Variants in LRMDA observed in about 807,000 individuals in gnomAD.
LRMDA encodes leucine rich melanocyte differentiation associated.
In LRMDA, 18 loss-of-function variants were observed where a neutral mutation model predicts 29.8. The ratio of observed to expected loss-of-function variants is 0.60; its 90% confidence interval spans 0.42 to 0.90. The LOEUF is 0.90. Among genes scored for constraint, LRMDA ranks in the 40% least tolerant of loss-of-function variants. The pLI, the probability that LRMDA is intolerant of heterozygous loss-of-function variation, is 0.00. For missense variants in LRMDA, 273 were observed against 273.9 expected (o/e 1.00, Z 0.02); for synonymous variants, 125 against 109.4 (o/e 1.14, Z -0.89).
intron 5 of LRMDA, among the ~76,000 whole-genome samples, chr10:76,316,644 A>G: frequency 6.6e-6 from 1 of 152,216 alleles, no homozygotes; most frequent in East Asian, 1.9e-4. Context: ...GGGTTAAATG[A>G]AACAATGTTT....
intron 5 of LRMDA, among the ~76,000 whole-genome samples, chr10:76,063,982 AG>A (rs1458920757): frequency 6.6e-6 from 1 of 152,160 alleles, no homozygotes. Context: ...CTGTATCTCT[AG>A]TACCTAGTCT....
intron 2 of LRMDA, among the ~76,000 whole-genome samples, chr10:75,741,876 G>A (rs1050123199): frequency 9.9e-5 from 15 of 152,078 alleles, no homozygotes; most frequent in Admixed American, 5.9e-4. Flanking sequence ...GGCCTTTGGG[G>A]GGTGATTAGG....
chr10:75,978,697 A>G (rs980721871), intron 2 of LRMDA, among the ~76,000 whole-genome samples: 2 of 152,202 alleles, frequency 1.3e-5, no homozygotes. Flanking sequence ...AAGCAGTATT[A>G]AATTTTGTTT....
At chr10:76,459,223 A>T (rs1842488250) in intron 6 of LRMDA, among the ~76,000 whole-genome samples, 1 of 152,206 alleles carries the variant, frequency 6.6e-6, no homozygotes, top group South Asian at 2.1e-4. Context: ...TTCCAAAGGA[A>T]CTGTAATGTT....
At chr10:75,563,066 A>G (rs1332182572) in intron 2 of LRMDA, among the ~76,000 whole-genome samples, 2 of 151,882 alleles carry the variant, frequency 1.3e-5, no homozygotes, top group East Asian at 3.9e-4. Flanking sequence ...CTTGAATCTG[A>G]ATGTTGGCCT....
At chr10:76,293,043 G>A (rs1015727570) in intron 5 of LRMDA, among the ~76,000 whole-genome samples, 2 of 152,026 alleles carry the variant, frequency 1.3e-5, no homozygotes, top group Non-Finnish European at 2.9e-5. Context: ...ATCTCGGCTC[G>A]GCTCACTGCA....
intron 5 of LRMDA, among the ~76,000 whole-genome samples, chr10:76,281,190 A>G (rs544369109): frequency 2.6e-5 from 4 of 152,294 alleles, no homozygotes; most frequent in African/African-American, 9.6e-5. Context: ...TAGGCTGAGG[A>G]AAAGCCAAGG....
chr10:75,977,699 C>T (rs988139157), intron 2 of LRMDA, among the ~76,000 whole-genome samples: 1 of 152,178 alleles, frequency 6.6e-6, no homozygotes, highest in Non-Finnish European at 1.5e-5. Flanking sequence ...GAGCTGCCCA[C>T]GGCCTATGAT....
intron 6 of LRMDA, among the ~76,000 whole-genome samples, chr10:76,325,359 G>A (rs1309126236): frequency 1.3e-5 from 2 of 152,160 alleles, no homozygotes; most frequent in African/African-American, 2.4e-5. Flanking sequence ...CTGTGGCTTG[G>A]ACCTGTGTTG....
At chr10:75,524,446 A>ATTTAGGGTCTTGGTGATGT (rs1845393137) in intron 2 of LRMDA, among the ~76,000 whole-genome samples, 1 of 152,110 alleles carries the variant, frequency 6.6e-6, no homozygotes, top group African/African-American at 2.4e-5. Context: ...CTTGGTGATG[A>ATTTAGGGTCTTGGTGATGT]TTTAGGGTCT....
chr10:75,570,808 G>A (rs564828924), intron 2 of LRMDA, among the ~76,000 whole-genome samples: 2 of 152,220 alleles, frequency 1.3e-5, no homozygotes, highest in African/African-American at 4.8e-5. Flanking sequence ...GTAAAATGTG[G>A]GAATCATATT....
At chr10:75,695,235 C>A (rs1420610573) in intron 2 of LRMDA, among the ~76,000 whole-genome samples, 6 of 151,990 alleles carry the variant, frequency 3.9e-5, no homozygotes, top group Non-Finnish European at 8.8e-5. Context: ...AAAAAAATAA[C>A]ATTTTTTAAA....
At chr10:76,360,720 A>T (rs1053314116) in intron 6 of LRMDA, among the ~76,000 whole-genome samples, 1 of 152,176 alleles carries the variant, frequency 6.6e-6, no homozygotes, top group Non-Finnish European at 1.5e-5. Flanking sequence ...CTCACAGGAC[A>T]TATTTGGTGG....
intron 2 of LRMDA, among the ~76,000 whole-genome samples, chr10:75,865,126 T>C (rs1305496085): frequency 6.6e-6 from 1 of 152,228 alleles, no homozygotes; most frequent in African/African-American, 2.4e-5. Flanking sequence ...AAGTTTTAAA[T>C]GAATTAATCA....
chr10:75,448,876 G>A (rs1035585593), intron 2 of LRMDA, among the ~76,000 whole-genome samples: 6 of 152,316 alleles, frequency 3.9e-5, no homozygotes, highest in Non-Finnish European at 5.9e-5. Context: ...TTTAGGCTGG[G>A]TACAGTGGCT....
At chr10:75,746,631 A>T (rs181979715) in intron 2 of LRMDA, among the ~76,000 whole-genome samples, 1 of 152,288 alleles carries the variant, frequency 6.6e-6, no homozygotes, top group East Asian at 1.9e-4. Flanking sequence ...AAGAATTACC[A>T]CTGTGAATAC....
chr10:75,873,236 A>C (rs955308428), intron 2 of LRMDA, among the ~76,000 whole-genome samples: 2 of 152,244 alleles, frequency 1.3e-5, no homozygotes, highest in Non-Finnish European at 2.9e-5. Flanking sequence ...TTTAAATAGT[A>C]TAATCCAATT....
At chr10:76,501,349 CT>C (rs1428193046) in intron 6 of LRMDA, among the ~76,000 whole-genome samples, 1 of 151,854 alleles carries the variant, frequency 6.6e-6, no homozygotes, top group Non-Finnish European at 1.5e-5. Context: ...GTACATGTGT[CT>C]TTTTGGTAGA....
intron 2 of LRMDA, among the ~76,000 whole-genome samples, chr10:75,670,833 C>T (rs1039949299): frequency 7.2e-5 from 11 of 152,186 alleles, no homozygotes; most frequent in South Asian, 2.1e-4. Flanking sequence ...GTGGAGTGCC[C>T]GCTCCCTTAC....
Sources: gnomAD v4.1 joint callset for allele counts (sites outside exome capture counted in the v4.1 genomes callset) on GRCh38, gnomAD v4.1.1 for gene constraint, MANE v1.5 for transcripts, NCBI Gene and HGNC (gene_info 2026-07-23, HGNC 2026-07-21) for gene names.